The following DPYD variants were observed in gnomAD, a reference collection of about 807,000 sequenced individuals.
The protein encoded by DPYD is dihydropyrimidine dehydrogenase [NADP(+)].
Under a neutral mutation model 116.2 loss-of-function variants are expected in DPYD, and 109 were observed. The ratio of observed to expected loss-of-function variants is 0.94; its 90% CI spans 0.80 to 1.10. The LOEUF (loss-of-function observed/expected upper bound fraction) is 1.10. Ranked by LOEUF, DPYD falls within the 50% of genes least tolerant of loss-of-function variation. The probability of loss-of-function intolerance (pLI) is 0.00; values close to 1 mark genes in which losing one functional copy is unlikely to be tolerated. For missense variants in DPYD, 1,302 were observed against 1,254.5 expected (o/e 1.04, Z -0.57); for synonymous variants, 440 against 432.0 (o/e 1.02, Z -0.23).
chr1:97,431,646 T>C (rs1242857240), intron 14 of DPYD, among the ~76,000 whole-genome samples: 1 of 152,160 alleles, frequency 6.6e-6, no homozygotes, highest in Admixed American at 6.5e-5. Flanking sequence ...TGTGTAATGA[T>C]CAAATCAGGG....
At chr1:97,332,816 TA>T (rs1256628265) in intron 16 of DPYD, among the ~76,000 whole-genome samples, 1 of 152,160 alleles carries the variant, frequency 6.6e-6, no homozygotes, top group Non-Finnish European at 1.5e-5. Context: ...AGTCATAGAC[TA>T]AACATTTGCT....
intron 20 of DPYD, among the ~76,000 whole-genome samples, chr1:97,173,367 CAT>C (rs556653102): frequency 5.7e-5 from 6 of 104,872 alleles, no homozygotes; most frequent in African/African-American, 1.6e-4. Context: ...TACATATATA[CAT>C]ATATGTGTGT....
intron 21 of DPYD, among the ~76,000 whole-genome samples, chr1:97,096,374 A>T (rs1057086766): frequency 6.6e-6 from 1 of 152,156 alleles, no homozygotes; most frequent in Admixed American, 6.5e-5. Flanking sequence ...AATATAAATA[A>T]TATCTTCCTT....
At chr1:97,299,863 G>A (rs1331986384) in intron 18 of DPYD, among the ~76,000 whole-genome samples, 1 of 152,036 alleles carries the variant, frequency 6.6e-6, no homozygotes, top group Non-Finnish European at 1.5e-5. Context: ...ACCAACGATG[G>A]CTAAACAGTG....
intron 14 of DPYD, among the ~76,000 whole-genome samples, chr1:97,391,887 T>C (rs1386307446): frequency 6.6e-6 from 1 of 152,070 alleles, no homozygotes; most frequent in Non-Finnish European, 1.5e-5. Context: ...CTGAATTCTC[T>C]TGATCATATG....
intron 16 of DPYD, among the ~76,000 whole-genome samples, chr1:97,311,082 G>A (rs1280501566): frequency 6.6e-6 from 1 of 151,636 alleles, no homozygotes; most frequent in Non-Finnish European, 1.5e-5. Flanking sequence ...TGAGAATTAG[G>A]CTGGAGGAGC....
At chr1:97,274,658 A>G (rs1240688866) in intron 18 of DPYD, among the ~76,000 whole-genome samples, 1 of 152,198 alleles carries the variant, frequency 6.6e-6, no homozygotes, top group Non-Finnish European at 1.5e-5. Flanking sequence ...AGCATTTACT[A>G]TTAGGTTGGT....
chr1:97,420,250 A>G (rs1049766699), intron 14 of DPYD: 1 of 152,242 alleles, frequency 6.6e-6, no homozygotes, highest in Non-Finnish European at 1.5e-5. Context: ...GGCCAACTGA[A>G]GTAGGTCCGT....
In DPYD at chr1:97,443,414, A is replaced by C. The variant is rs561174932; in HGVS notation, c.1905+6645T>G. ...ACTACGTAAGCTCTAGCACAAAAAA[A>C]CTGAACGGTTTCCTGGGGATACACT... On this transcript the variant is annotated intron_variant, in intron 14 of 22. Coordinates refer to ENST00000370192, the MANE Select transcript of DPYD (RefSeq NM_000110.4). Among the ~76,000 whole-genome samples, 6 of 152,334 alleles carry C rather than the reference A, an allele frequency of 3.9e-5. No homozygotes were observed. In the South Asian group the frequency reaches 1.2e-3, roughly 32 times the overall value.
rs74106677 is a variant in DPYD, at chr1:97,107,204, C to T, written c.2623-8572G>A. ...TTCCACCTCTTTGTTGGTCATCTTTCTGCAGATGACCCCTCCTTTATCACC... is the reference window on the plus strand; with the variant it reads ...TTCCACCTCTTTGTTGGTCATCTTTTTGCAGATGACCCCTCCTTTATCACC... On this transcript the variant is annotated intron_variant, in intron 20 of 22. Coordinates refer to ENST00000370192, the MANE Select transcript of DPYD (RefSeq NM_000110.4). Among the ~76,000 whole-genome samples, 606 of 152,206 alleles carry T rather than the reference C, an allele frequency of 4.0e-3. 5 individuals carry two copies. The highest frequency in any genetic ancestry group is 0.014 in the African/African-American group (573 of 41,564).
At chr1:97,294,807 C>A (rs1298060315) in intron 18 of DPYD, among the ~76,000 whole-genome samples, 1 of 152,102 alleles carries the variant, frequency 6.6e-6, no homozygotes. Flanking sequence ...TTCCTTGAAA[C>A]GAATCCAAGA....
In DPYD at chr1:97,366,558, T is replaced by C. The variant is rs116315217; in HGVS notation, c.2058+7003A>G. Among the ~76,000 whole-genome samples, 533 of 152,274 alleles carry C rather than the reference T, an allele frequency of 3.5e-3. 4 individuals are homozygous for C. Among genetic ancestry groups the C allele is most frequent in the African/African-American group, 0.012 (516 of 41,566 alleles). ...GCCAACCTAGTCTATCCCATACTTA[T>C]CAAGTCAAATCATAGACCTGGAGTT... On this transcript the variant is annotated intron_variant, in intron 16 of 22. Transcript: ENST00000370192.
At chr1:97,546,243 A>T (rs1650847941) in intron 12 of DPYD, 5 of 1,520,702 alleles carry the variant, frequency 3.3e-6, no homozygotes, top group Admixed American at 1.8e-5. Flanking sequence ...AGGACCCAAG[A>T]AAACTGCTAA....
At chr1:97,539,954 G>A (rs1570926905) in intron 12 of DPYD, among the ~76,000 whole-genome samples, 2 of 151,894 alleles carry the variant, frequency 1.3e-5, no homozygotes, top group Admixed American at 6.6e-5. Context: ...TAAGTGCTCC[G>A]CCTTCTGAAT....
At position 97,691,759 on chromosome 1, in the gene DPYD, T is replaced by C. The variant is rs1661019574; in HGVS notation, c.720A>G (p.Val240=). 6.2e-7 allele frequency: 1 copy of C among 1,613,712 alleles called. No homozygotes were observed. Among genetic ancestry groups the C allele is most frequent in the Non-Finnish European group, 8.5e-7 (1 of 1,179,802 alleles). The part of the protein sequence containing the change: ...EIPQFRLPYD[V]VNFEIELMKD... ...TCATTAGCTCAATCTCAAAATTCAC[T>C]ACATCATACGGCAGCCGGAACTGAG... The change falls in exon 7 of 23, where the codon GTA becomes GTG. Residue 240 remains valine, a synonymous_variant. Coordinates refer to ENST00000370192, the MANE Select transcript of DPYD (RefSeq NM_000110.4).
Position 97,186,197 on chromosome 1 carries a change from A to G in DPYD, c.2622+6872T>C, listed in dbSNP as rs572901204. Among the ~76,000 whole-genome samples, 13 of 152,318 alleles carry G rather than the reference A, an allele frequency of 8.5e-5. 1 individual carries two copies. In the South Asian group the frequency reaches 2.7e-3, roughly 32 times the overall value. On this transcript the variant is annotated intron_variant, in intron 20 of 22. Transcript: ENST00000370192. ...TTAGACATCTACATATAATATTACC[A>G]CAACCAAATAGCAATAGTTTTATGA...
chr1:97,592,120 G>T (rs1654560515), intron 10 of DPYD, among the ~76,000 whole-genome samples: 1 of 152,166 alleles, frequency 6.6e-6, no homozygotes, highest in Admixed American at 6.5e-5. Flanking sequence ...GCCTAGTATA[G>T]AGACTCCAAA....
At chr1:97,754,910 A>G (rs1295304880) in intron 3 of DPYD, among the ~76,000 whole-genome samples, 1 of 152,206 alleles carries the variant, frequency 6.6e-6, no homozygotes, top group Non-Finnish European at 1.5e-5. Flanking sequence ...TTCAATGTTC[A>G]TTTGTTGATT....
At chr1:97,564,615 C>T (rs575978668) in intron 11 of DPYD, among the ~76,000 whole-genome samples, 5 of 152,220 alleles carry the variant, frequency 3.3e-5, no homozygotes, top group South Asian at 2.1e-4. Flanking sequence ...AACACACCAC[C>T]ATTTCACTCA....
Sources: gnomAD v4.1 joint callset for allele counts (sites outside exome capture counted in the v4.1 genomes callset) on GRCh38, gnomAD v4.1.1 for gene constraint, MANE v1.5 for transcripts, NCBI Gene and HGNC (gene_info 2026-07-23, HGNC 2026-07-21) for gene names.